The following USP47 variants were observed in gnomAD, a reference collection of about 807,000 sequenced individuals.
USP47 encodes the protein ubiquitin carboxyl-terminal hydrolase 47.
A neutral mutation model predicts 165.1 loss-of-function variants in USP47; 35 were observed. That is an observed-to-expected ratio of 0.21 (90% CI 0.16 to 0.28). The LOEUF (loss-of-function observed/expected upper bound fraction) is 0.28, where lower values mean the gene tolerates loss of function less well. Ranked by LOEUF, USP47 falls within the 10% of genes least tolerant of loss-of-function variation. USP47 has a pLI of 1.00. For synonymous variants in USP47, 531 were observed against 544.5 expected (o/e 0.98, Z 0.35); for missense variants, 1,277 against 1,607.4 (o/e 0.79, Z 3.52).
At chr11:11,880,503 G>T (rs766136661) in intron 2 of USP47, 123 bp downstream of exon 2, 18 of 670,826 alleles carry the variant, frequency 2.7e-5, no homozygotes, top group African/African-American at 3.8e-5. Context: ...ACTACAGTAA[G>T]AGCCTATGTG....
intron 21 of USP47, 88 bp downstream of exon 21, chr11:11,948,208 T>C (rs1855975861): frequency 1.4e-6 from 2 of 1,423,186 alleles, no homozygotes; most frequent in African/African-American, 2.9e-5. Flanking sequence ...TGAGGTGAAG[T>C]AGATAAACTG....
rs116475812 is a variant in USP47, at chr11:11,847,960, A to G, written c.39+5736A>G. Among the ~76,000 whole-genome samples the G allele has an allele frequency of 4.7e-3, 723 of 152,336 alleles. 3 individuals are homozygous for G. Among genetic ancestry groups the G allele is most frequent in the African/African-American group, 0.016 (679 of 41,588 alleles). ...ATTTGACAGTATGACAGTATTAGCTATTATTCTTCATTATCCATTTTACAC... is the reference window on the plus strand; with the variant it reads ...ATTTGACAGTATGACAGTATTAGCTGTTATTCTTCATTATCCATTTTACAC... On this transcript the variant is annotated intron_variant, in intron 1 of 27. Transcript: ENST00000527733.
chr11:11,892,119 G>T lies in USP47; in HGVS notation c.496+13G>T, dbSNP rs1356696987. Reference sequence around the variant, plus strand: ...AAATCAGAAACTGGTAAGATTTGTTGTATTTTCATAAAATCATAGGGCATT... The same window carrying T: ...AAATCAGAAACTGGTAAGATTTGTTTTATTTTCATAAAATCATAGGGCATT... On this transcript the variant is annotated intron_variant, in intron 4 of 27. Transcript: ENST00000527733. 5.0e-6 allele frequency: 8 copies of T among 1,609,028 alleles called. No individual in the cohort carries two copies. The East Asian group carries it at 1.8e-4, about 36-fold the overall frequency.
At chr11:11,910,560 C>T (rs1294470389) in intron 8 of USP47, among the ~76,000 whole-genome samples, 1 of 151,996 alleles carries the variant, frequency 6.6e-6, no homozygotes, top group Non-Finnish European at 1.5e-5. Flanking sequence ...GCGAGCCCCT[C>T]CTGCTTGTGT....
intron 3 of USP47, 116 bp from the exon 4 acceptor site, chr11:11,891,852 C>A: frequency 7.7e-7 from 1 of 1,305,514 alleles, no homozygotes; most frequent in Non-Finnish European, 1.0e-6. Context: ...GGCATGAGCA[C>A]CTTTCCAGAG....
At chr11:11,879,141 G>A (rs1850667973) in intron 1 of USP47, among the ~76,000 whole-genome samples, 1 of 152,134 alleles carries the variant, frequency 6.6e-6, no homozygotes, top group African/African-American at 2.4e-5. Flanking sequence ...ATATAAGATT[G>A]GAAGAAGTTA....
Position 11,884,471 on chromosome 11 carries a change from C to A in USP47, c.248C>A (p.Pro83Gln). Residue 83 changes from proline to glutamine, a missense_variant, in exon 3 of 28, where the codon CCA (proline) becomes CAA (glutamine). Pro to Gln is a moderately conservative substitution (Grantham distance 76, BLOSUM62 -1). Transcript: ENST00000527733. ...GNGINTADMA[P>Q]LDHTSDKSLL... is the part of the protein sequence containing the mutation. The stretch of plus-strand genomic sequence containing the variant: ...CATTATGTTTTATGTCCATAGGCAC[C>A]ACTGGATCATACCAGTGACAAGTCA... The A allele has an allele frequency of 6.3e-7, 1 of 1,597,136 alleles. No individual in the cohort carries two copies.
At position 11,921,800 on chromosome 11, in the gene USP47, A is replaced by G. The variant is rs150909535; in HGVS notation, c.1219-924A>G. 4.3e-4 allele frequency among the ~76,000 whole-genome samples: 66 copies of G among 152,032 alleles called. No individual in the cohort carries two copies. The East Asian group carries it at 0.011, about 25-fold the overall frequency. On this transcript the variant is annotated intron_variant, in intron 10 of 27. Transcript: ENST00000527733. ...TTCTAGGTTTAGTTCTTGGGACAAG[A>G]AATGTTTTGGCTCAGCTGAAGAAGT... is the stretch of plus-strand genomic sequence containing the variant.
chr11:11,881,221 G>C (rs1458290074), intron 2 of USP47, among the ~76,000 whole-genome samples: 1 of 152,078 alleles, frequency 6.6e-6, no homozygotes, highest in African/African-American at 2.4e-5. Flanking sequence ...GCTGCTAGGT[G>C]TGATGTGTTT....
chr11:11,894,855 A>T (rs776585294), intron 4 of USP47, among the ~76,000 whole-genome samples: 8 of 152,188 alleles, frequency 5.3e-5, no homozygotes, highest in Non-Finnish European at 1.2e-4. Flanking sequence ...AGTGAAAATA[A>T]TTTACAGTAC....
intron 8 of USP47, among the ~76,000 whole-genome samples, chr11:11,909,653 A>G (rs1398705882): frequency 1.3e-5 from 2 of 152,100 alleles, no homozygotes; most frequent in Non-Finnish European, 2.9e-5. Context: ...CTTTTAGGAT[A>G]CTTTTATTCT....
chr11:11,948,031 T>G lies in USP47; in HGVS notation c.3178T>G (p.Phe1060Val). 1 of 1,613,858 alleles carries G rather than the reference T, an allele frequency of 6.2e-7. No homozygotes were observed. The highest frequency in any genetic ancestry group is 8.5e-7 in the Non-Finnish European group (1 of 1,179,852). Reference protein sequence around the residue: ...EPFVGVLSSHFKVFRVYASNQ... With the variant: ...EPFVGVLSSHVKVFRVYASNQ... The stretch of plus-strand genomic sequence containing the variant: ...CTTTGTTGGAGTTTTGTCCTCTCAC[T>G]TCAAGGTCTTTCGAGTGTATGCCAG... The change falls in exon 21 of 28, where the codon TTC becomes GTC. Residue 1060 changes from phenylalanine to valine, a missense_variant. Physicochemically the swap from Phe to Val is conservative, Grantham distance 50. Coordinates refer to ENST00000527733, the MANE Select transcript of USP47 (RefSeq NM_001282659.2).
intron 1 of USP47, among the ~76,000 whole-genome samples, chr11:11,844,244 AT>A (rs2134102072): frequency 6.6e-6 from 1 of 151,932 alleles, no homozygotes; most frequent in African/African-American, 2.4e-5. Flanking sequence ...CAATTTCTTG[AT>A]TTTAGTGATA....
At chr11:11,862,722 AT>A (rs909957928) in intron 1 of USP47, among the ~76,000 whole-genome samples, 5 of 150,514 alleles carry the variant, frequency 3.3e-5, no homozygotes, top group African/African-American at 9.7e-5. Flanking sequence ...TACAAGCATA[AT>A]TTTTTTTTTC....
At chr11:11,937,183 A>T (rs1300237102) in intron 17 of USP47, among the ~76,000 whole-genome samples, 2 of 151,884 alleles carry the variant, frequency 1.3e-5, no homozygotes, top group African/African-American at 4.8e-5. Flanking sequence ...GTTTTTGTCC[A>T]GAGTTTTCTA....
intron 5 of USP47, among the ~76,000 whole-genome samples, chr11:11,900,258 C>T (rs1852127094): frequency 7.0e-6 from 1 of 142,604 alleles, no homozygotes; most frequent in African/African-American, 2.6e-5. Flanking sequence ...TCCTGGGGTT[C>T]ATGTTCATTC....
At chr11:11,912,812 A>T (rs1298500658) in intron 8 of USP47, among the ~76,000 whole-genome samples, 1 of 152,160 alleles carries the variant, frequency 6.6e-6, no homozygotes, top group South Asian at 2.1e-4. Flanking sequence ...AGAATTATAT[A>T]TTGTGACTAG....
At chr11:11,941,845 T>G (rs1855496701) in intron 19 of USP47, among the ~76,000 whole-genome samples, 2 of 152,114 alleles carry the variant, frequency 1.3e-5, no homozygotes, top group South Asian at 4.1e-4. Context: ...CTTTTTTGTT[T>G]GCTTCCTTGC....
At chr11:11,884,694 A>T (rs148637009) in intron 3 of USP47, 114 bp downstream of exon 3, 1 of 704,080 alleles carries the variant, frequency 1.4e-6, no homozygotes, top group African/African-American at 1.8e-5. Flanking sequence ...GTAATAAATT[A>T]ATATTTTTTC....
Sources: allele counts gnomAD v4.1 joint callset (sites outside exome capture counted in the v4.1 genomes callset), GRCh38; gene constraint gnomAD v4.1.1; transcripts MANE v1.5; gene names NCBI Gene and HGNC (gene_info 2026-07-23, HGNC 2026-07-21).